The following CDK19 variants were observed in gnomAD, a reference collection of about 807,000 sequenced individuals.
CDK19 encodes the protein cyclin-dependent kinase 19.
A neutral mutation model predicts 68.3 loss-of-function variants in CDK19; 20 were observed. The ratio of observed to expected loss-of-function variants is 0.29; its 90% confidence interval spans 0.21 to 0.43. CDK19 has a LOEUF of 0.43. CDK19 is among the 20% of genes least tolerant of loss of function. The probability of loss-of-function intolerance (pLI) is 1.00; values close to 1 mark genes in which losing one functional copy is unlikely to be tolerated. For missense variants in CDK19, 339 were observed against 623.5 expected (o/e 0.54, Z 4.86); for synonymous variants, 221 against 222.8 (o/e 0.99, Z 0.07).
intron 1 of CDK19, among the ~76,000 whole-genome samples, chr6:110,776,740 GT>G (rs1203228840): frequency 6.6e-6 from 1 of 152,166 alleles, no homozygotes; most frequent in Non-Finnish European, 1.5e-5. Flanking sequence ...GACATACTAT[GT>G]TGAAACACAG....
chr6:110,761,366 G>A (rs532498497), intron 1 of CDK19, among the ~76,000 whole-genome samples: 2 of 152,244 alleles, frequency 1.3e-5, no homozygotes, highest in South Asian at 4.2e-4. Flanking sequence ...TAGTAGCAGA[G>A]GCAATAAAAA....
Position 110,632,118 on chromosome 6 carries a change from T to G in CDK19, c.558A>C (p.Pro186=). The G allele has an allele frequency of 6.2e-7, 1 of 1,613,690 alleles. No individual in the cohort carries two copies. The highest frequency in any genetic ancestry group is 8.5e-7 in the Non-Finnish European group (1 of 1,179,930). Residue 186 remains proline, a synonymous_variant, in exon 6 of 13, where the codon CCA becomes CCC. Coordinates refer to ENST00000368911, the MANE Select transcript of CDK19 (RefSeq NM_015076.5). ...FARLFNSPLK[P]LADLDPVVVT... ...CAACTACTGGATCCAAATCTGCTAG[T>G]GGCTTTAGAGGAGAATTGAATAATC... is the stretch of plus-strand genomic sequence containing the variant.
At chr6:110,772,028 ATCT>A (rs1441043804) in intron 1 of CDK19, among the ~76,000 whole-genome samples, 2 of 152,094 alleles carry the variant, frequency 1.3e-5, no homozygotes, top group African/African-American at 4.8e-5. Flanking sequence ...ACATTTTCCT[ATCT>A]TCTTCTGAGC....
chr6:110,722,079 G>C (rs1775939889), intron 2 of CDK19, among the ~76,000 whole-genome samples: 1 of 152,036 alleles, frequency 6.6e-6, no homozygotes, highest in Non-Finnish European at 1.5e-5. Flanking sequence ...ACTAGAACCT[G>C]CATAAATAAC....
chr6:110,726,152 C>T lies in CDK19; in HGVS notation c.204+19974G>A, dbSNP rs543973450. On this transcript the variant is annotated intron_variant, in intron 2 of 12. Transcript: ENST00000368911. ...ATCTGATTGGGAAAAAAAGATAATC[C>T]TAGTATTTCATGATGCAACTGTTAT... 1.1e-4 allele frequency among the ~76,000 whole-genome samples: 17 copies of T among 152,080 alleles called. No individual in the cohort carries two copies. In the East Asian group the frequency reaches 3.3e-3, roughly 29 times the overall value.
At chr6:110,764,291 T>A (rs1025118564) in intron 1 of CDK19, among the ~76,000 whole-genome samples, 1 of 152,120 alleles carries the variant, frequency 6.6e-6, no homozygotes, top group Non-Finnish European at 1.5e-5. Flanking sequence ...AGACCCAGAA[T>A]AACCAATGCA....
At chr6:110,625,170 C>G (rs940703844) in intron 8 of CDK19, among the ~76,000 whole-genome samples, 5 of 152,212 alleles carry the variant, frequency 3.3e-5, no homozygotes, top group Admixed American at 1.3e-4. Context: ...GCAACCTGAG[C>G]ATCACCTGAG....
intron 1 of CDK19, among the ~76,000 whole-genome samples, chr6:110,809,196 C>T (rs1464279655): frequency 1.4e-5 from 2 of 145,428 alleles, no homozygotes; most frequent in Non-Finnish European, 3.0e-5. Flanking sequence ...GCCTGGGAGA[C>T]AGCGAGACTC....
intron 2 of CDK19, among the ~76,000 whole-genome samples, chr6:110,738,989 T>C (rs188382833): frequency 2.0e-5 from 3 of 152,270 alleles, no homozygotes; most frequent in East Asian, 3.9e-4. Context: ...TGCTGGGATA[T>C]TGATGGATAT....
intron 2 of CDK19, among the ~76,000 whole-genome samples, chr6:110,731,013 T>C (rs374938023): frequency 6.8e-6 from 1 of 146,652 alleles, no homozygotes; most frequent in African/African-American, 2.5e-5. Flanking sequence ...GATAGCACCA[T>C]TGCACTCCAG....
intron 2 of CDK19, among the ~76,000 whole-genome samples, chr6:110,722,681 C>G (rs1197784608): frequency 1.3e-5 from 2 of 151,936 alleles, no homozygotes; most frequent in African/African-American, 4.8e-5. Context: ...GAATTCCTAG[C>G]CTAGGCAACA....
chr6:110,661,978 T>A (rs2114366207), intron 4 of CDK19, among the ~76,000 whole-genome samples: 1 of 140,466 alleles, frequency 7.1e-6, no homozygotes, highest in Middle Eastern at 3.6e-3. Context: ...ATTTTTATTT[T>A]TTGGGGGGGG....
chr6:110,799,144 TAAAAAAAA>T (rs369106433), intron 1 of CDK19, among the ~76,000 whole-genome samples: 10 of 49,136 alleles, frequency 2.0e-4, no homozygotes, highest in African/African-American at 5.4e-4. Flanking sequence ...ACCCTGTATT[TAAAAAAAA>T]AAAAAAAAAA....
intron 1 of CDK19, 67 bp downstream of exon 1, chr6:110,814,942 C>T (rs1489661997): frequency 6.3e-7 from 1 of 1,590,140 alleles, no homozygotes; most frequent in Admixed American, 1.7e-5. Context: ...TCCGACCCAC[C>T]CATCCCGCCA....
intron 4 of CDK19, among the ~76,000 whole-genome samples, chr6:110,641,370 GT>G (rs1217366344): frequency 6.6e-6 from 1 of 152,048 alleles, no homozygotes; most frequent in African/African-American, 2.4e-5. Flanking sequence ...GCCGAGGTAC[GT>G]GGATCACCTG....
chr6:110,791,241 A>G (rs541832514), intron 1 of CDK19, among the ~76,000 whole-genome samples: 1 of 151,986 alleles, frequency 6.6e-6, no homozygotes, highest in East Asian at 1.9e-4. Context: ...CTGATCTGTC[A>G]TGGAAAAAAA....
At chr6:110,763,843 C>T (rs771677549) in intron 1 of CDK19, among the ~76,000 whole-genome samples, 5 of 151,942 alleles carry the variant, frequency 3.3e-5, no homozygotes, top group Non-Finnish European at 7.4e-5. Context: ...TAATTGTCTA[C>T]GAAGAAAATC....
intron 4 of CDK19, among the ~76,000 whole-genome samples, chr6:110,646,876 A>G (rs1780628120): frequency 6.6e-6 from 1 of 151,836 alleles, no homozygotes; most frequent in Admixed American, 6.6e-5. Flanking sequence ...GAGAGAAGGA[A>G]AATCTCCCAC....
At position 110,623,319 on chromosome 6, in the gene CDK19, C is replaced by T. The variant is rs1778830409; in HGVS notation, c.904G>A (p.Val302Ile). 6.2e-7 allele frequency: 1 copy of T among 1,613,840 alleles called. No homozygotes were observed. Among genetic ancestry groups the T allele is most frequent in the Non-Finnish European group, 8.5e-7 (1 of 1,179,904 alleles). ...SLIKYMEKHKVKPDSKVFLLL... is the reference protein window; with the variant it reads ...SLIKYMEKHKIKPDSKVFLLL... ...AGGAACACTTTGCTGTCAGGCTTGA[C>T]CTTGTGTTTCTCCATGTACTTTATG... is the stretch of plus-strand genomic sequence containing the variant. The change falls in exon 9 of 13, where the codon GTC becomes ATC. Residue 302 changes from valine (V) to isoleucine (I), a missense_variant. Physicochemically the swap from Val to Ile is conservative, Grantham distance 29. Coordinates refer to ENST00000368911, the MANE Select transcript of CDK19 (RefSeq NM_015076.5).
Sources: allele counts gnomAD v4.1 joint callset (sites outside exome capture counted in the v4.1 genomes callset), GRCh38; gene constraint gnomAD v4.1.1; transcripts MANE v1.5; gene names NCBI Gene and HGNC (gene_info 2026-07-23, HGNC 2026-07-21).